The following TRABD2B variants were observed in gnomAD, a reference collection of about 807,000 sequenced individuals.
TRABD2B encodes the protein TraB domain containing 2B.
In TRABD2B, 14 loss-of-function variants were observed where a neutral mutation model predicts 40.1. That is an observed-to-expected ratio of 0.35 (90% CI 0.23 to 0.55). TRABD2B has a LOEUF of 0.55. Ranked by LOEUF, TRABD2B falls within the 20% of genes least tolerant of loss-of-function variation. The pLI is 0.90. For missense variants in TRABD2B, 541 were observed against 648.6 expected, an observed-to-expected ratio of 0.83 and a Z score of 1.80; for synonymous variants, 263 against 277.0, an observed-to-expected ratio of 0.95 and a Z score of 0.50.
At chr1:47,854,816 T>C (rs924017306) in intron 2 of TRABD2B, among the ~76,000 whole-genome samples, 1 of 151,280 alleles carries the variant, frequency 6.6e-6, no homozygotes, top group Admixed American at 6.6e-5. Flanking sequence ...AAGTTTGTAG[T>C]ATTTTATTTA....
chr1:47,914,120 A>G (rs903075181), intron 2 of TRABD2B, among the ~76,000 whole-genome samples: 1 of 152,246 alleles, frequency 6.6e-6, no homozygotes, highest in Non-Finnish European at 1.5e-5. Flanking sequence ...CAAAGCCTGG[A>G]TAACTGGAAA....
chr1:47,845,289 T>C (rs933634487), intron 2 of TRABD2B, among the ~76,000 whole-genome samples: 1 of 152,356 alleles, frequency 6.6e-6, no homozygotes, highest in African/African-American at 2.4e-5. Context: ...GGTCTAACCC[T>C]ACCCTGACAT....
intron 2 of TRABD2B, among the ~76,000 whole-genome samples, chr1:47,954,053 G>T (rs1645383960): frequency 6.6e-6 from 1 of 152,246 alleles, no homozygotes; most frequent in South Asian, 2.1e-4. Context: ...AGTCATGGGA[G>T]AAGCTCAAGT....
chr1:47,972,446 T>C (rs1645694441), intron 2 of TRABD2B, among the ~76,000 whole-genome samples: 1 of 152,218 alleles, frequency 6.6e-6, no homozygotes, highest in Non-Finnish European at 1.5e-5. Flanking sequence ...ATGGGGCCTC[T>C]GGGAGGTAAT....
chr1:47,782,466 G>A (rs889491891), intron 4 of TRABD2B, among the ~76,000 whole-genome samples: 2 of 152,182 alleles, frequency 1.3e-5, no homozygotes, highest in African/African-American at 4.8e-5. Context: ...TTGAGGGCAG[G>A]GGTCATGCCT....
At chr1:47,946,947 T>C (rs1434447286) in intron 2 of TRABD2B, among the ~76,000 whole-genome samples, 2 of 148,170 alleles carry the variant, frequency 1.3e-5, no homozygotes, top group East Asian at 2.0e-4. Flanking sequence ...TTTTTTTTTT[T>C]CCATATGGAG....
chr1:47,804,087 A>C (rs1417159978), intron 2 of TRABD2B, among the ~76,000 whole-genome samples: 2 of 152,212 alleles, frequency 1.3e-5, no homozygotes, highest in Non-Finnish European at 1.5e-5. Context: ...CATTTTGTTC[A>C]TGGCTGGGCA....
At chr1:47,860,269 C>T (rs540136649) in intron 2 of TRABD2B, among the ~76,000 whole-genome samples, 1 of 152,310 alleles carries the variant, frequency 6.6e-6, no homozygotes, top group East Asian at 1.9e-4. Flanking sequence ...TCCTATAAGT[C>T]TTTCCCACCT....
chr1:47,834,218 G>A (rs997654404), intron 2 of TRABD2B, among the ~76,000 whole-genome samples: 1 of 152,146 alleles, frequency 6.6e-6, no homozygotes, highest in Non-Finnish European at 1.5e-5. Context: ...TTTTCCCCAG[G>A]GGCGTTTGTT....
chr1:47,863,494 A>G lies in TRABD2B; in HGVS notation c.667-61875T>C, dbSNP rs148452071. Among the ~76,000 whole-genome samples, 194 of 151,354 alleles carry G rather than the reference A, an allele frequency of 1.3e-3. 1 individual carries two copies. Among genetic ancestry groups the G allele is most frequent in the African/African-American group, 4.5e-3 (187 of 41,296 alleles). ...AAGAATGTACAGATGACAAGTAAGT[A>G]TATAAAAAGATGCTCCACATCCTAT... On this transcript the variant is annotated intron_variant, in intron 2 of 6. Transcript: ENST00000606738.
chr1:47,814,517 A>T (rs576768042), intron 2 of TRABD2B, among the ~76,000 whole-genome samples: 32 of 152,280 alleles, frequency 2.1e-4, no homozygotes, highest in African/African-American at 7.5e-4. Context: ...TTAGAATTCC[A>T]AATCTTTCCT....
chr1:47,810,195 TTTA>T (rs939161314), intron 2 of TRABD2B, among the ~76,000 whole-genome samples: 1 of 151,714 alleles, frequency 6.6e-6, no homozygotes, highest in African/African-American at 2.4e-5. Flanking sequence ...GAGTTGATAT[TTTA>T]TTATTATTAT....
At chr1:47,770,370 T>C (rs1331395714) in intron 6 of TRABD2B, among the ~76,000 whole-genome samples, 2 of 152,176 alleles carry the variant, frequency 1.3e-5, no homozygotes, top group Non-Finnish European at 2.9e-5. Context: ...CTTTGTGATA[T>C]CTAGGGCTCC....
rs543818660 is a variant in TRABD2B, at chr1:47,916,734, C to G, written c.666+77300G>C. Among the ~76,000 whole-genome samples the G allele has an allele frequency of 4.6e-5, 7 of 152,342 alleles. No homozygotes were observed. The South Asian group carries it at 1.2e-3, about 27-fold the overall frequency. On this transcript the variant is annotated intron_variant, in intron 2 of 6. Transcript: ENST00000606738. ...AGTGGGCAGGGTCAGACTGGGGGGG[C>G]TTGCACCCCCTCTTCTAACGCCTTC... is the stretch of plus-strand genomic sequence containing the variant.
chr1:47,773,591 TCA>T (rs1426342151), intron 6 of TRABD2B, among the ~76,000 whole-genome samples: 1 of 152,258 alleles, frequency 6.6e-6, no homozygotes, highest in Non-Finnish European at 1.5e-5. Context: ...GGCTTGGTTC[TCA>T]TTCTCTCTCT....
intron 2 of TRABD2B, among the ~76,000 whole-genome samples, chr1:47,815,050 G>C (rs1030183097): frequency 6.6e-6 from 1 of 152,314 alleles, no homozygotes; most frequent in East Asian, 1.9e-4. Context: ...CAAGCCAGGG[G>C]ATGCAGAATA....
At chr1:47,855,928 C>T (rs1643885317) in intron 2 of TRABD2B, among the ~76,000 whole-genome samples, 1 of 152,190 alleles carries the variant, frequency 6.6e-6, no homozygotes, top group South Asian at 2.1e-4. Context: ...TTTAAGCTAT[C>T]CAGTTGGTGA....
In TRABD2B at chr1:47,765,999, C is replaced by A. The variant is rs2124407469; in HGVS notation, c.1457G>T (p.Gly486Val). 1 of 697,912 alleles carries A rather than the reference C, an allele frequency of 1.4e-6. No homozygotes were observed. The highest frequency in any genetic ancestry group is 2.7e-5 in the East Asian group (1 of 37,244). The allele number at this position is 697,912 out of a possible 1,614,324, so 43.2% of individuals were successfully genotyped here. ...GGTGGGTGCCGAGCTGCTGGCGGGCCCTGGCGGGTCCTGCTGTTGTAGCTG... is the reference window on the plus strand; with the variant it reads ...GGTGGGTGCCGAGCTGCTGGCGGGCACTGGCGGGTCCTGCTGTTGTAGCTG... ...SDQLQQQDPPGPASSSAPTLG... is the reference protein window; with the variant it reads ...SDQLQQQDPPVPASSSAPTLG... The change falls in exon 7 of 7, where the codon GGG becomes GTG. Residue 486 changes from glycine (G) to valine (V), a missense_variant. Gly to Val is a moderately radical substitution (Grantham distance 109). Coordinates refer to ENST00000606738, the MANE Select transcript of TRABD2B (RefSeq NM_001194986.2).
At chr1:47,936,658 G>A (rs1645110415) in intron 2 of TRABD2B, among the ~76,000 whole-genome samples, 2 of 152,180 alleles carry the variant, frequency 1.3e-5, no homozygotes, top group African/African-American at 4.8e-5. Flanking sequence ...AAAACCTATT[G>A]CACTCTCCTT....
Sources: allele counts gnomAD v4.1 joint callset (sites outside exome capture counted in the v4.1 genomes callset), GRCh38; gene constraint gnomAD v4.1.1; transcripts MANE v1.5; gene names NCBI Gene and HGNC (gene_info 2026-07-23, HGNC 2026-07-21).